Variants in PTPRG observed in about 807,000 individuals in gnomAD.
PTPRG encodes receptor-type tyrosine-protein phosphatase gamma.
Under a neutral mutation model 165.3 loss-of-function variants are expected in PTPRG, and 102 were observed. The ratio of observed to expected loss-of-function variants is 0.62; its 90% CI spans 0.53 to 0.73. The LOEUF (loss-of-function observed/expected upper bound fraction) is 0.73. Among genes scored for constraint, PTPRG ranks in the 30% least tolerant of loss-of-function variants. The pLI is 0.00. For synonymous variants in PTPRG, 675 were observed against 669.5 expected (o/e 1.01, Z -0.13); for missense variants, 1,866 against 1,861.4 (o/e 1.00, Z -0.05).
intron 4 of PTPRG, among the ~76,000 whole-genome samples, chr3:62,038,546 T>C (rs1420936617): frequency 6.6e-6 from 1 of 152,180 alleles, no homozygotes; most frequent in Non-Finnish European, 1.5e-5. Context: ...CATAGGCCCA[T>C]GCCACCACAC....
chr3:61,598,890 C>T (rs1326544692), intron 1 of PTPRG, among the ~76,000 whole-genome samples: 1 of 152,048 alleles, frequency 6.6e-6, no homozygotes, highest in African/African-American at 2.4e-5. Flanking sequence ...CTGGTGTTCT[C>T]CCTGGCTGTG....
chr3:61,821,259 G>A lies in PTPRG; in HGVS notation c.190+72277G>A, dbSNP rs561126272. 6.6e-5 allele frequency among the ~76,000 whole-genome samples: 10 copies of A among 151,598 alleles called. No homozygotes were observed. The East Asian group carries it at 1.4e-3, about 21-fold the overall frequency. Reference sequence around the variant, plus strand: ...ATCTTGGCTCACTGCAAGCTCCGCCGCCTGGGTTCATGCCCTTCTCCTGCC... The same window carrying A: ...ATCTTGGCTCACTGCAAGCTCCGCCACCTGGGTTCATGCCCTTCTCCTGCC... On this transcript the variant is annotated intron_variant, in intron 2 of 29. Transcript: ENST00000474889.
intron 5 of PTPRG, among the ~76,000 whole-genome samples, chr3:62,087,219 C>G (rs192348964): frequency 4.4e-4 from 67 of 152,264 alleles, no homozygotes; most frequent in Admixed American, 3.7e-3. Context: ...TGACCGTGGT[C>G]CCCTAGCTCT....
intron 2 of PTPRG, among the ~76,000 whole-genome samples, chr3:61,917,409 G>C (rs893182718): frequency 6.6e-6 from 1 of 152,166 alleles, no homozygotes; most frequent in African/African-American, 2.4e-5. Context: ...CCTGGCAGTT[G>C]CTCCATGTCT....
chr3:61,950,454 T>A (rs923508186), intron 2 of PTPRG, among the ~76,000 whole-genome samples: 1 of 152,252 alleles, frequency 6.6e-6, no homozygotes, highest in Admixed American at 6.5e-5. Context: ...AAGTAAATGC[T>A]GAAAGAAAAC....
chr3:61,753,180 A>G, intron 2 of PTPRG, among the ~76,000 whole-genome samples: 1 of 152,224 alleles, frequency 6.6e-6, no homozygotes, highest in East Asian at 1.9e-4. Flanking sequence ...TGAAAACATC[A>G]TAGAAGGTAT....
In PTPRG at chr3:61,973,364, G is replaced by A. The variant is rs556628530; in HGVS notation, c.191-16261G>A. Among the ~76,000 whole-genome samples, 3 of 152,256 alleles carry A rather than the reference G, an allele frequency of 2.0e-5. No homozygotes were observed. In the South Asian group the frequency reaches 6.2e-4, roughly 32 times the overall value. ...GTATTGCAGCTAAGTTCATCAATAT[G>A]GTAGATGGGAATTGACATATGCTTG... On this transcript the variant is annotated intron_variant, in intron 2 of 29. Transcript: ENST00000474889.
intron 2 of PTPRG, among the ~76,000 whole-genome samples, chr3:61,918,358 A>G (rs975361296): frequency 6.6e-6 from 1 of 151,566 alleles, no homozygotes; most frequent in African/African-American, 2.4e-5. Context: ...TGAATGGGAA[A>G]TATGTATATA....
chr3:61,822,763 T>G (rs2035992171), intron 2 of PTPRG, among the ~76,000 whole-genome samples: 1 of 152,238 alleles, frequency 6.6e-6, no homozygotes, highest in South Asian at 2.1e-4. Context: ...TTTCTGGTCC[T>G]TGGTGTAGCA....
chr3:61,651,510 G>C (rs1702354239), intron 1 of PTPRG, among the ~76,000 whole-genome samples: 1 of 152,108 alleles, frequency 6.6e-6, no homozygotes, highest in South Asian at 2.1e-4. Flanking sequence ...TAGTTCATGA[G>C]ACACAGATTT....
At chr3:62,016,532 C>G (rs2041548797) in intron 4 of PTPRG, among the ~76,000 whole-genome samples, 1 of 152,172 alleles carries the variant, frequency 6.6e-6, no homozygotes, top group Admixed American at 6.6e-5. Flanking sequence ...CCCAATCCAT[C>G]TATTTTGTTT....
At chr3:61,845,247 T>C (rs2107345879) in intron 2 of PTPRG, among the ~76,000 whole-genome samples, 1 of 152,236 alleles carries the variant, frequency 6.6e-6, no homozygotes, top group Admixed American at 6.5e-5. Flanking sequence ...TGTCAAGGTT[T>C]TTAATGGGTG....
At chr3:62,268,579 G>A (rs1263856598) in intron 19 of PTPRG, among the ~76,000 whole-genome samples, 3 of 152,052 alleles carry the variant, frequency 2.0e-5, no homozygotes, top group African/African-American at 7.2e-5. Flanking sequence ...TTCATGTTGT[G>A]GAGTCACTGT....
chr3:61,600,057 G>T (rs1700808923), intron 1 of PTPRG, among the ~76,000 whole-genome samples: 1 of 151,550 alleles, frequency 6.6e-6, no homozygotes, highest in Non-Finnish European at 1.5e-5. Context: ...CTAATCAAGA[G>T]GCTGAGACAG....
chr3:62,124,206 A>G (rs1703194853), intron 5 of PTPRG: 4 of 907,088 alleles, frequency 4.4e-6, no homozygotes, highest in Non-Finnish European at 7.3e-6. Flanking sequence ...ATGATTATTC[A>G]GCCACACAGT....
intron 2 of PTPRG, among the ~76,000 whole-genome samples, chr3:61,757,651 T>TTGACC (rs2033675011): frequency 1.3e-5 from 2 of 152,208 alleles, no homozygotes; most frequent in Non-Finnish European, 2.9e-5. Context: ...CAGCCAAAGA[T>TTGACC]AAGGTCAATA....
intron 1 of PTPRG, among the ~76,000 whole-genome samples, chr3:61,608,132 G>A (rs1329652448): frequency 6.6e-6 from 1 of 152,062 alleles, no homozygotes; most frequent in Non-Finnish European, 1.5e-5. Flanking sequence ...AGGGCAGAAG[G>A]CTTATCGGGG....
chr3:62,130,720 C>A (rs998892096), intron 5 of PTPRG, among the ~76,000 whole-genome samples: 3 of 152,062 alleles, frequency 2.0e-5, no homozygotes, highest in African/African-American at 7.2e-5. Flanking sequence ...CCATTTTTGA[C>A]CAGGTTTTAA....
At chr3:62,043,094 A>G (rs1222716172) in intron 4 of PTPRG, among the ~76,000 whole-genome samples, 1 of 152,142 alleles carries the variant, frequency 6.6e-6, no homozygotes, top group Non-Finnish European at 1.5e-5. Context: ...TCAGTTTAAA[A>G]TTTTCATTTT....
Sources: allele counts gnomAD v4.1 joint callset (sites outside exome capture counted in the v4.1 genomes callset), GRCh38; gene constraint gnomAD v4.1.1; transcripts MANE v1.5; gene names NCBI Gene and HGNC (gene_info 2026-07-23, HGNC 2026-07-21).